Variants in NR3C2 observed in about 807,000 individuals in gnomAD.
The protein encoded by NR3C2 is mineralocorticoid receptor.
In NR3C2, 15 loss-of-function variants were observed where a neutral mutation model predicts 86.4. That is an observed-to-expected ratio of 0.17 (90% CI 0.12 to 0.27). NR3C2 has a LOEUF of 0.27. Among genes scored for constraint, NR3C2 ranks in the 10% least tolerant of loss-of-function variants. The probability of loss-of-function intolerance (pLI) is 1.00; values close to 1 mark genes in which losing one functional copy is unlikely to be tolerated. For synonymous variants in NR3C2, 458 were observed against 450.5 expected (o/e 1.02, Z -0.21); for missense variants, 960 against 1,195.6 (o/e 0.80, Z 2.91).
chr4:148,260,769 C>T (rs956059998), intron 2 of NR3C2, among the ~76,000 whole-genome samples: 1 of 152,126 alleles, frequency 6.6e-6, no homozygotes, highest in African/African-American at 2.4e-5. Context: ...AGGTATCTTT[C>T]ATGGTAAGAA....
intron 3 of NR3C2, among the ~76,000 whole-genome samples, chr4:148,246,683 C>T (rs1025352689): frequency 6.6e-6 from 1 of 152,132 alleles, no homozygotes; most frequent in African/African-American, 2.4e-5. Context: ...TCCAGAGTAG[C>T]TGGGATTACA....
intron 3 of NR3C2, among the ~76,000 whole-genome samples, chr4:148,204,860 C>T (rs921106923): frequency 1.3e-5 from 2 of 152,150 alleles, no homozygotes; most frequent in Admixed American, 6.6e-5. Context: ...CCACTTTTTG[C>T]CTGATCTAAA....
chr4:148,079,040 G>A lies in NR3C2; in HGVS notation c.*2304C>T, dbSNP rs970835217. ...GTTTAATCAAGCAAAGTTACCTGGA[G>A]ACACACAAAGAGCCAGTAACTTTGT... On this transcript the variant is annotated 3_prime_UTR_variant, in exon 9 of 9. Transcript: ENST00000358102. The A allele has an allele frequency of 6.6e-6, 1 of 152,562 alleles. No individual in the cohort carries two copies. Among genetic ancestry groups the A allele is most frequent in the Admixed American group, 6.5e-5 (1 of 15,274 alleles). 9.5% of individuals were successfully genotyped at this position (152,562 alleles called of 1,614,324 possible).
intron 8 of NR3C2, among the ~76,000 whole-genome samples, chr4:148,084,577 G>C (rs943699205): frequency 1.3e-5 from 2 of 152,186 alleles, no homozygotes; most frequent in African/African-American, 4.8e-5. Context: ...AAATTGTAAA[G>C]ACCATCGATG....
chr4:148,145,567 T>A (rs1048794992), intron 6 of NR3C2, among the ~76,000 whole-genome samples: 1 of 152,184 alleles, frequency 6.6e-6, no homozygotes, highest in Non-Finnish European at 1.5e-5. Flanking sequence ...CCCCTCAAAT[T>A]CTTTCTTCTG....
At chr4:148,356,263 G>T (rs1745545224) in intron 2 of NR3C2, among the ~76,000 whole-genome samples, 3 of 152,218 alleles carry the variant, frequency 2.0e-5, no homozygotes, top group Admixed American at 2.0e-4. Context: ...GTAATTTGAT[G>T]AACTTAAAAT....
intron 2 of NR3C2, among the ~76,000 whole-genome samples, chr4:148,383,452 T>C (rs1368788084): frequency 6.6e-6 from 1 of 152,174 alleles, no homozygotes; most frequent in Non-Finnish European, 1.5e-5. Flanking sequence ...ATTACGGGTT[T>C]TTAATACTTT....
chr4:148,419,638 T>A (rs1560723340), intron 2 of NR3C2, among the ~76,000 whole-genome samples: 1 of 152,230 alleles, frequency 6.6e-6, no homozygotes, highest in African/African-American at 2.4e-5. Flanking sequence ...ATTCTTTACA[T>A]ATCAGTGACT....
intron 8 of NR3C2, among the ~76,000 whole-genome samples, chr4:148,088,345 C>T (rs1166585828): frequency 1.3e-5 from 2 of 152,110 alleles, no homozygotes; most frequent in Non-Finnish European, 2.9e-5. Context: ...TATCATTTGA[C>T]CCAGCAATCC....
chr4:148,126,429 A>G (rs1395282848), intron 6 of NR3C2, among the ~76,000 whole-genome samples: 2 of 152,344 alleles, frequency 1.3e-5, no homozygotes, highest in East Asian at 1.9e-4. Context: ...GGAATACAGT[A>G]TTATGTTATT....
rs72655263 is a variant in NR3C2 at position 148,272,894 on chromosome 4, A to G, written c.1758-12777T>C. Among the ~76,000 whole-genome samples, 541 of 152,372 alleles carry G rather than the reference A, an allele frequency of 3.6e-3. 4 individuals are homozygous for G. Among genetic ancestry groups the G allele is most frequent in the African/African-American group, 0.012 (495 of 41,588 alleles). ...GCAAAAAAAAGAAAAAGACTTCAGT[A>G]TACCTATAAATAGTGATAGAAAAAG... On this transcript the variant is annotated intron_variant, in intron 2 of 8. Transcript: ENST00000358102.
chr4:148,411,753 G>A (rs1748715575), intron 2 of NR3C2, among the ~76,000 whole-genome samples: 1 of 152,192 alleles, frequency 6.6e-6, no homozygotes, highest in Non-Finnish European at 1.5e-5. Context: ...GACAACCAGA[G>A]CAAGCTCTAA....
intron 2 of NR3C2, among the ~76,000 whole-genome samples, chr4:148,355,116 A>C (rs1745488540): frequency 6.6e-6 from 1 of 152,190 alleles, no homozygotes; most frequent in Admixed American, 6.5e-5. Flanking sequence ...GAGCTTTCTT[A>C]TTGAGAAACT....
chr4:148,182,364 T>G (rs1340911605), intron 4 of NR3C2, among the ~76,000 whole-genome samples: 1 of 152,152 alleles, frequency 6.6e-6, no homozygotes, highest in African/African-American at 2.4e-5. Context: ...AAAATTACAA[T>G]GTACACAACT....
chr4:148,442,722 T>C, upstream of NR3C2: 1 of 985,402 alleles, frequency 1.0e-6, no homozygotes, highest in African/African-American at 1.7e-5. Flanking sequence ...GGCAGCTTCC[T>C]TAAAGCCGCA....
intron 2 of NR3C2, among the ~76,000 whole-genome samples, chr4:148,318,718 G>A (rs185730590): frequency 1.4e-5 from 2 of 146,640 alleles, no homozygotes; most frequent in East Asian, 2.3e-4. Context: ...CTTTTTGATG[G>A]GGTTGTTTGT....
intron 8 of NR3C2, among the ~76,000 whole-genome samples, chr4:148,092,244 T>C (rs780088379): frequency 1.3e-5 from 2 of 152,208 alleles, no homozygotes; most frequent in Non-Finnish European, 2.9e-5. Flanking sequence ...GATGACACTT[T>C]TTTGTTTTTC....
At chr4:148,367,392 T>A (rs1284724950) in intron 2 of NR3C2, among the ~76,000 whole-genome samples, 1 of 152,202 alleles carries the variant, frequency 6.6e-6, no homozygotes, top group South Asian at 2.1e-4. Flanking sequence ...AACAATGCCA[T>A]AATTTAAGTG....
chr4:148,438,884 A>C (rs1259394196), intron 1 of NR3C2, among the ~76,000 whole-genome samples: 2 of 152,186 alleles, frequency 1.3e-5, no homozygotes, highest in African/African-American at 2.4e-5. Flanking sequence ...CATTGAAAAA[A>C]TTTTCAACTA....
Sources: allele counts gnomAD v4.1 joint callset (sites outside exome capture counted in the v4.1 genomes callset), GRCh38; gene constraint gnomAD v4.1.1; transcripts MANE v1.5; gene names NCBI Gene and HGNC (gene_info 2026-07-23, HGNC 2026-07-21).